GPC5: variants seen among roughly 807,000 people sequenced by gnomAD.
The protein encoded by GPC5 is glypican 5.
In GPC5, 47 loss-of-function variants were observed where a neutral mutation model predicts 53.9. The observed-to-expected ratio is 0.87, with a 90% CI of 0.69 to 1.11. The LOEUF (loss-of-function observed/expected upper bound fraction) is 1.11, where lower values mean the gene tolerates loss of function less well. Among genes scored for constraint, GPC5 ranks in the 50% most tolerant of loss-of-function variants. The pLI, the probability that GPC5 is intolerant of heterozygous loss-of-function variation, is 0.00. For missense variants in GPC5, 748 were observed against 713.1 expected (o/e 1.05, Z -0.56); for synonymous variants, 286 against 263.3 (o/e 1.09, Z -0.84).
chr13:91,784,561 C>G (rs1310327089), intron 5 of GPC5, among the ~76,000 whole-genome samples: 2 of 151,926 alleles, frequency 1.3e-5, no homozygotes, highest in Non-Finnish European at 2.9e-5. Context: ...CTGGTCTCTA[C>G]TAAAAATACA....
rs150768611 is a variant in GPC5, at chr13:92,361,328, G to A, written c.1561+216339G>A. On this transcript the variant is annotated intron_variant, in intron 7 of 7. Transcript: ENST00000377067. ...GAAGACCTAACTTTGACTTCTATCT[G>A]ATCAATTCTATTGCTGTCTTACCTG... Among the ~76,000 whole-genome samples the A allele has an allele frequency of 1.4e-4, 22 of 151,742 alleles. No individual in the cohort carries two copies. In the East Asian group the frequency reaches 4.2e-3, roughly 29 times the overall value.
intron 7 of GPC5, among the ~76,000 whole-genome samples, chr13:92,690,521 C>T (rs1447377691): frequency 1.8e-5 from 2 of 111,436 alleles, no homozygotes; most frequent in African/African-American, 7.1e-5. Context: ...AATGTCCTCC[C>T]GTAGCTCAGA....
At chr13:92,861,501 T>G (rs1879181566) in intron 7 of GPC5, among the ~76,000 whole-genome samples, 1 of 152,164 alleles carries the variant, frequency 6.6e-6, no homozygotes, top group Non-Finnish European at 1.5e-5. Context: ...AAGAAGACTT[T>G]CCCTTTTTCT....
intron 2 of GPC5, among the ~76,000 whole-genome samples, chr13:91,597,154 G>A (rs2033024564): frequency 6.6e-6 from 1 of 151,996 alleles, no homozygotes; most frequent in African/African-American, 2.4e-5. Flanking sequence ...TTTACTGCCT[G>A]GCATCCAGCA....
intron 7 of GPC5, among the ~76,000 whole-genome samples, chr13:92,756,655 AC>A (rs1874890464): frequency 7.1e-6 from 1 of 141,518 alleles, no homozygotes; most frequent in Non-Finnish European, 1.5e-5. Context: ...AAATCAATGT[AC>A]AAAAATCACA....
chr13:92,838,479 CG>C (rs201003229), intron 7 of GPC5, among the ~76,000 whole-genome samples: 1,996 of 119,420 alleles, frequency 0.017, 22 homozygotes, highest in Middle Eastern at 0.047. Flanking sequence ...TGAGACTCCG[CG>C]CCCCCCCCAA....
chr13:91,647,718 C>G (rs1213176913), intron 2 of GPC5, among the ~76,000 whole-genome samples: 1 of 152,246 alleles, frequency 6.6e-6, no homozygotes, highest in African/African-American at 2.4e-5. Flanking sequence ...CTCCCTTCCT[C>G]TCTCCTGCAG....
chr13:92,862,417 A>G (rs1879209331), intron 7 of GPC5, among the ~76,000 whole-genome samples: 1 of 152,172 alleles, frequency 6.6e-6, no homozygotes, highest in Non-Finnish European at 1.5e-5. Context: ...TGACTTCATT[A>G]TTAACTTAGT....
At chr13:92,460,967 A>T (rs961360304) in intron 7 of GPC5, among the ~76,000 whole-genome samples, 1 of 152,156 alleles carries the variant, frequency 6.6e-6, no homozygotes, top group Non-Finnish European at 1.5e-5. Context: ...CTGGGAAACA[A>T]ATCTGAGTGA....
chr13:92,774,349 T>C (rs1235582747), intron 7 of GPC5, among the ~76,000 whole-genome samples: 1 of 152,196 alleles, frequency 6.6e-6, no homozygotes, highest in African/African-American at 2.4e-5. Flanking sequence ...TAGTGGTCTG[T>C]ACATTTGTCA....
chr13:91,695,861 A>G (rs2035869749), intron 3 of GPC5, among the ~76,000 whole-genome samples: 1 of 152,194 alleles, frequency 6.6e-6, no homozygotes, highest in South Asian at 2.1e-4. Flanking sequence ...TGGAAACCTG[A>G]AGGGCCTTTT....
intron 2 of GPC5, among the ~76,000 whole-genome samples, chr13:91,579,522 A>G (rs1406051657): frequency 6.6e-6 from 1 of 151,402 alleles, no homozygotes; most frequent in Non-Finnish European, 1.5e-5. Context: ...TTGAATACGA[A>G]CCTGCCTCTA....
At chr13:92,396,423 C>G (rs1176804290) in intron 7 of GPC5, among the ~76,000 whole-genome samples, 1 of 150,656 alleles carries the variant, frequency 6.6e-6, no homozygotes, top group Non-Finnish European at 1.5e-5. Flanking sequence ...TATTAGCCAC[C>G]ATTATTTTAT....
intron 7 of GPC5, among the ~76,000 whole-genome samples, chr13:92,754,434 T>TG (rs1441466645): frequency 2.0e-5 from 3 of 151,810 alleles, no homozygotes; most frequent in Non-Finnish European, 4.4e-5. Flanking sequence ...ATGAGCGAAA[T>TG]CACCAGCTAA....
chr13:92,781,247 T>C (rs1347870708), intron 7 of GPC5, among the ~76,000 whole-genome samples: 1 of 152,102 alleles, frequency 6.6e-6, no homozygotes, highest in African/African-American at 2.4e-5. Flanking sequence ...AAAAACTGAA[T>C]GTAGTATCCA....
chr13:91,431,523 C>T (rs1184082353), intron 1 of GPC5, among the ~76,000 whole-genome samples: 1 of 152,102 alleles, frequency 6.6e-6, no homozygotes, highest in Non-Finnish European at 1.5e-5. Flanking sequence ...ATTTTGTCTC[C>T]ACGGTGAAAT....
At chr13:92,085,727 A>G (rs2041330569) in intron 6 of GPC5, among the ~76,000 whole-genome samples, 1 of 152,306 alleles carries the variant, frequency 6.6e-6, no homozygotes. Flanking sequence ...GATGGGAGAC[A>G]GTGACAGATT....
At position 92,019,371 on chromosome 13, in the gene GPC5, T is replaced by C. The variant is rs567253704; in HGVS notation, c.1401+111314T>C. Among the ~76,000 whole-genome samples the C allele has an allele frequency of 9.2e-5, 14 of 152,224 alleles. No individual in the cohort carries two copies. The East Asian group carries it at 2.3e-3, about 25-fold the overall frequency. On this transcript the variant is annotated intron_variant, in intron 6 of 7. Coordinates refer to ENST00000377067, the MANE Select transcript of GPC5 (RefSeq NM_004466.6). The stretch of plus-strand genomic sequence containing the variant: ...TAGAAGACACAGCTTATGTACGTGA[T>C]TGTAACAGATTATTGAATATTGCAT...
chr13:91,665,516 C>CTTTTTTT (rs1555335537), intron 2 of GPC5, among the ~76,000 whole-genome samples: 21 of 106,522 alleles, frequency 2.0e-4, no homozygotes, highest in South Asian at 9.7e-4. Flanking sequence ...TTTTTTTTTT[C>CTTTTTTT]TTTTGAGACG....
Sources: allele counts gnomAD v4.1 joint callset (sites outside exome capture counted in the v4.1 genomes callset), GRCh38; gene constraint gnomAD v4.1.1; transcripts MANE v1.5; gene names NCBI Gene and HGNC (gene_info 2026-07-23, HGNC 2026-07-21).